Variants in MYO5A observed in about 807,000 individuals in gnomAD.
MYO5A encodes unconventional myosin-Va.
In MYO5A, 98 loss-of-function variants were observed where a neutral mutation model predicts 249.7. The ratio of observed to expected loss-of-function variants is 0.39; its 90% CI spans 0.33 to 0.46. The LOEUF is 0.46. Ranked by LOEUF, MYO5A falls within the 20% of genes least tolerant of loss-of-function variation. The pLI, the probability that MYO5A is intolerant of heterozygous loss-of-function variation, is 0.98. For missense variants in MYO5A, 1,696 were observed against 2,308.8 expected, an observed-to-expected ratio of 0.73 and a Z score of 5.44; for synonymous variants, 778 against 810.6, an observed-to-expected ratio of 0.96 and a Z score of 0.68.
Position 52,410,244 on chromosome 15 carries a change from T to C in MYO5A, c.756+89A>G, listed in dbSNP as rs2043190310. 7 of 1,410,034 alleles carry C rather than the reference T, an allele frequency of 5.0e-6. No individual in the cohort carries two copies. The African/African-American group carries it at 7.1e-5, about 14-fold the overall frequency. The allele number at this position is 1,410,034 out of a possible 1,614,324, so 87.3% of individuals were successfully genotyped here. On this transcript the variant is annotated intron_variant, in intron 6 of 41. Coordinates refer to ENST00000399233, the MANE Select transcript of MYO5A (RefSeq NM_001382347.1). ...TATTGTCATAATATGCTCAAGAGTA[T>C]CTTGAAATAAAATGCATACCAGCAA...
At chr15:52,428,828 A>T (rs1033164637) in intron 2 of MYO5A, among the ~76,000 whole-genome samples, 1 of 152,212 alleles carries the variant, frequency 6.6e-6, no homozygotes, top group African/African-American at 2.4e-5. Context: ...TCACCCACGT[A>T]CTGAATCAGA....
chr15:52,346,317 TC>T (rs754106054), intron 30 of MYO5A, 43 bp downstream of exon 30: 6 of 1,205,258 alleles, frequency 5.0e-6, no homozygotes, highest in Non-Finnish European at 7.3e-6. Context: ...AGGCTAAAGA[TC>T]AATATAATTA....
intron 34 of MYO5A, among the ~76,000 whole-genome samples, chr15:52,335,516 CAAAA>C (rs397854139): frequency 0.022 from 1,437 of 64,056 alleles, 31 homozygotes; most frequent in African/African-American, 0.064. Flanking sequence ...ACTCTGTCTC[CAAAA>C]AAAAAAAAAA....
intron 14 of MYO5A, among the ~76,000 whole-genome samples, chr15:52,386,272 T>A (rs1195968877): frequency 6.6e-6 from 1 of 151,724 alleles, no homozygotes; most frequent in Non-Finnish European, 1.5e-5. Flanking sequence ...GATCATCACA[T>A]CACTGCACTC....
chr15:52,367,762 AT>A (rs2040882653), intron 22 of MYO5A, among the ~76,000 whole-genome samples: 2 of 152,034 alleles, frequency 1.3e-5, no homozygotes, highest in Non-Finnish European at 2.9e-5. Flanking sequence ...CTTTTATTCC[AT>A]GTTTAAATAA....
chr15:52,394,068 A>G (rs994762767), intron 11 of MYO5A, among the ~76,000 whole-genome samples: 6 of 152,216 alleles, frequency 3.9e-5, no homozygotes, highest in Non-Finnish European at 7.3e-5. Context: ...GAAGTTCAAT[A>G]TGGCAAGAGA....
intron 29 of MYO5A, among the ~76,000 whole-genome samples, chr15:52,347,675 C>T (rs2039710434): frequency 6.6e-6 from 1 of 152,116 alleles, no homozygotes; most frequent in African/African-American, 2.4e-5. Context: ...TCTCTTAATG[C>T]TATCCTTTTG....
intron 37 of MYO5A, among the ~76,000 whole-genome samples, chr15:52,321,881 T>C (rs1396920801): frequency 6.6e-6 from 1 of 151,834 alleles, no homozygotes; most frequent in Non-Finnish European, 1.5e-5. Flanking sequence ...AATTATCTCT[T>C]AACTTCAGTT....
At chr15:52,512,298 C>A (rs552331100) in intron 1 of MYO5A, among the ~76,000 whole-genome samples, 1 of 151,678 alleles carries the variant, frequency 6.6e-6, no homozygotes, top group South Asian at 2.1e-4. Context: ...AACAAACACA[C>A]AAAGGCTTTG....
At chr15:52,431,228 T>C (rs2075526105) in intron 2 of MYO5A, among the ~76,000 whole-genome samples, 1 of 592 alleles carries the variant, frequency 1.7e-3, no homozygotes, top group Non-Finnish European at 0.011. Flanking sequence ...CAAAATTCCG[T>C]CTCAAAAAAA....
At chr15:52,419,107 T>C (rs897088342) in intron 4 of MYO5A, among the ~76,000 whole-genome samples, 1 of 152,214 alleles carries the variant, frequency 6.6e-6, no homozygotes, top group African/African-American at 2.4e-5. Context: ...AATATCCCCA[T>C]CTATGTTGAT....
At chr15:52,359,098 G>A (rs1024846209) in intron 25 of MYO5A, among the ~76,000 whole-genome samples, 3 of 152,160 alleles carry the variant, frequency 2.0e-5, no homozygotes, top group Admixed American at 1.3e-4. Context: ...CCAATGATAT[G>A]ACATTCCAAC....
intron 1 of MYO5A, among the ~76,000 whole-genome samples, chr15:52,460,198 G>A (rs554010499): frequency 4.8e-4 from 73 of 151,540 alleles, no homozygotes; most frequent in African/African-American, 1.6e-3. Flanking sequence ...TCACATCCCA[G>A]ACGATGGGCG....
intron 24 of MYO5A, among the ~76,000 whole-genome samples, chr15:52,360,659 T>A (rs1439273183): frequency 6.6e-6 from 1 of 152,162 alleles, no homozygotes; most frequent in East Asian, 1.9e-4. Context: ...GCTGCTCTAG[T>A]AATCCTCTGA....
At chr15:52,428,342 C>G in intron 3 of MYO5A, 56 bp downstream of exon 3, 1 of 1,529,018 alleles carries the variant, frequency 6.5e-7, no homozygotes, top group Non-Finnish European at 9.1e-7. Context: ...ATTTCTATGG[C>G]TATGTCCATT....
At chr15:52,370,100 G>C in intron 22 of MYO5A, 69 bp downstream of exon 22, 1 of 1,595,986 alleles carries the variant, frequency 6.3e-7, no homozygotes, top group Admixed American at 1.7e-5. Context: ...GAGTCACACG[G>C]ACCAAGTCAT....
intron 40 of MYO5A, among the ~76,000 whole-genome samples, chr15:52,316,840 T>C (rs542306275): frequency 6.6e-6 from 1 of 152,352 alleles, no homozygotes; most frequent in South Asian, 2.1e-4. Context: ...TTGCTGAATA[T>C]TAAATATATT....
At chr15:52,468,855 A>G (rs1457247647) in intron 1 of MYO5A, among the ~76,000 whole-genome samples, 1 of 152,238 alleles carries the variant, frequency 6.6e-6, no homozygotes, top group Non-Finnish European at 1.5e-5. Flanking sequence ...TGAAATACAT[A>G]TTTCAGGGAT....
rs2075573272 is a variant in MYO5A at position 52,432,915 on chromosome 15, G to T, written c.138+260C>A. ...ATGCAAGAGTTTTAGGATTAGATGT[G>T]AATCTAAACCTGATAATCATAATAA... On this transcript the variant is annotated intron_variant, in intron 2 of 41. Coordinates refer to ENST00000399233, the MANE Select transcript of MYO5A (RefSeq NM_001382347.1). Among the ~76,000 whole-genome samples, 4 of 152,260 alleles carry T rather than the reference G, an allele frequency of 2.6e-5. No individual in the cohort carries two copies. In the South Asian group the frequency reaches 8.3e-4, roughly 32 times the overall value.
Sources: gnomAD v4.1 joint callset for allele counts (sites outside exome capture counted in the v4.1 genomes callset) on GRCh38, gnomAD v4.1.1 for gene constraint, MANE v1.5 for transcripts, NCBI Gene and HGNC (gene_info 2026-07-23, HGNC 2026-07-21) for gene names.